Variants in GAK observed in about 807,000 individuals in gnomAD.
GAK encodes the protein cyclin G associated kinase, also known as cyclin-G-associated kinase.
GAK carries 79 observed loss-of-function variants against 143.9 expected under a neutral mutation model. The observed-to-expected ratio is 0.55, with a 90% confidence interval of 0.46 to 0.66. The LOEUF is 0.66. Ranked by LOEUF, GAK falls within the 30% of genes least tolerant of loss-of-function variation. The probability of loss-of-function intolerance (pLI) is 0.00; values close to 1 mark genes in which losing one functional copy is unlikely to be tolerated. For missense variants in GAK, 1,693 were observed against 1,779.7 expected (o/e 0.95, Z 0.88); for synonymous variants, 881 against 765.5 (o/e 1.15, Z -2.49).
intron 1 of GAK, among the ~76,000 whole-genome samples, chr4:926,998 C>G (rs1204845086): frequency 3.8e-5 from 2 of 52,806 alleles, no homozygotes; most frequent in African/African-American, 1.7e-4. Flanking sequence ...GCACCCCTCC[C>G]GGCTCACCAG....
chr4:884,759 G>A (rs1246885955), intron 11 of GAK, among the ~76,000 whole-genome samples: 2 of 152,248 alleles, frequency 1.3e-5, no homozygotes, highest in African/African-American at 2.4e-5. Context: ...TTCTTGTGAG[G>A]GAAGGAGCAG....
intron 5 of GAK, among the ~76,000 whole-genome samples, chr4:902,612 A>C (rs866089522): frequency 1.8e-4 from 26 of 143,938 alleles, no homozygotes; most frequent in African/African-American, 6.5e-4. Context: ...AAAAAAAAAA[A>C]AACCCCAAAA....
intron 24 of GAK, among the ~76,000 whole-genome samples, chr4:856,479 C>T (rs1430463137): frequency 6.8e-6 from 1 of 146,660 alleles, no homozygotes; most frequent in East Asian, 2.0e-4. Flanking sequence ...CTGCTCACCA[C>T]CACAGCTGCT....
intron 18 of GAK, among the ~76,000 whole-genome samples, chr4:874,365 A>G (rs975719211): frequency 3.3e-5 from 5 of 152,186 alleles, no homozygotes; most frequent in African/African-American, 1.2e-4. Flanking sequence ...CAGGCTTTGC[A>G]GGCTTGCCTT....
At chr4:849,833 G>GGGGGGGGGCCCCCCC in intron 27 of GAK, 59 bp from the exon 28 acceptor site, 2 of 1,190,156 alleles carry the variant, frequency 1.7e-6, no homozygotes, top group Non-Finnish European at 2.3e-6. Context: ...GGCGGGGCAG[G>GGGGGGGGGCCCCCCC]ACCCCCCCCC....
At chr4:861,011 C>T (rs1270058324) in intron 23 of GAK, among the ~76,000 whole-genome samples, 1 of 152,148 alleles carries the variant, frequency 6.6e-6, no homozygotes, top group African/African-American at 2.4e-5. Flanking sequence ...TGATGTGTGT[C>T]CCATGAGTTG....
intron 11 of GAK, among the ~76,000 whole-genome samples, chr4:884,689 C>G (rs760065692): frequency 2.0e-5 from 3 of 152,228 alleles, no homozygotes; most frequent in Non-Finnish European, 4.4e-5. Context: ...CTGCAAGGAC[C>G]CTGACAGGTT....
In GAK at chr4:861,945, A is replaced by G. The variant is rs551383141; in HGVS notation, c.3167-2223T>C. Reference sequence around the variant, plus strand: ...GCTGCAGAAGAAAAGTGAAGCCAGCAGGGGCTGAGGCTGAAGGAAAGATGC... The same window carrying G: ...GCTGCAGAAGAAAAGTGAAGCCAGCGGGGGCTGAGGCTGAAGGAAAGATGC... On this transcript the variant is annotated intron_variant, in intron 23 of 27. Coordinates refer to ENST00000314167, the MANE Select transcript of GAK (RefSeq NM_005255.4). 5.1e-3 allele frequency among the ~76,000 whole-genome samples: 773 copies of G among 152,404 alleles called. 6 individuals are homozygous for G. The highest frequency in any genetic ancestry group is 0.017 in the African/African-American group (727 of 41,602).
chr4:859,181 GGGCCGGGCCTGAGGCA>G, intron 24 of GAK: 1 of 985,346 alleles, frequency 1.0e-6, no homozygotes, highest in Non-Finnish European at 1.2e-6. Flanking sequence ...CACAGCGCCC[GGGCCGGGCCTGAGGCA>G]GACGCAGGAC....
At chr4:878,445 C>T (rs1004940271) in intron 15 of GAK, among the ~76,000 whole-genome samples, 2 of 152,114 alleles carry the variant, frequency 1.3e-5, no homozygotes, top group Non-Finnish European at 2.9e-5. Flanking sequence ...TGTTTATAGC[C>T]CCAAATCTGA....
intron 15 of GAK, among the ~76,000 whole-genome samples, chr4:878,276 C>T (rs1714399339): frequency 6.6e-6 from 1 of 152,004 alleles, no homozygotes; most frequent in Non-Finnish European, 1.5e-5. Context: ...GTAATCCCAG[C>T]TACTCGGGAG....
Position 877,795 on chromosome 4 carries a change from A to G in GAK, c.1676T>C (p.Met559Thr), listed in dbSNP as rs765055631. The G allele has an allele frequency of 1.9e-6, 3 of 1,598,898 alleles. No homozygotes were observed. Among genetic ancestry groups the G allele is most frequent in the Middle Eastern group, 1.7e-4 (1 of 6,040 alleles). ...WPSHKRYIEY[M>T]CDMVAEEPIT... The stretch of plus-strand genomic sequence containing the variant: ...GGGCTCCTCCGCCACCATGTCACAC[A>G]TGTACTCGATGTACCTGGGGGCAGA... Residue 559 changes from methionine (M) to threonine (T), a missense_variant, in exon 16 of 28, where the codon ATG (methionine) becomes ACG (threonine). This residue lies in a region of GAK where 871 missense variants were observed against 991.0 expected (regional missense o/e 0.88). Coordinates refer to ENST00000314167, the MANE Select transcript of GAK (RefSeq NM_005255.4).
chr4:850,228 A>C, intron 26 of GAK, 160 bp from the exon 27 acceptor site: 1 of 635,132 alleles, frequency 1.6e-6, no homozygotes, highest in Admixed American at 3.1e-5. Flanking sequence ...GCCCTCAACT[A>C]TATAGAGCCC....
In GAK at chr4:849,357, C is replaced by T. The variant is rs1747642377; in HGVS notation, c.*316G>A. 7 of 432,588 alleles carry T rather than the reference C, an allele frequency of 1.6e-5. No homozygotes were observed. Among genetic ancestry groups the T allele is most frequent in the East Asian group, 4.2e-5 (1 of 23,852 alleles). The allele number at this position is 432,588 out of a possible 1,614,324, so 26.8% of individuals were successfully genotyped here. On this transcript the variant is annotated 3_prime_UTR_variant, in exon 28 of 28. Coordinates refer to ENST00000314167, the MANE Select transcript of GAK (RefSeq NM_005255.4). ...CGGTGCAAACACCAGGGCCCATGAGCGCCAGCAGCGTGGCCCACCACGTGC... is the reference window on the plus strand; with the variant it reads ...CGGTGCAAACACCAGGGCCCATGAGTGCCAGCAGCGTGGCCCACCACGTGC...
At chr4:865,042 T>G (rs556801609) in intron 23 of GAK, 80 bp downstream of exon 23, 2 of 1,541,852 alleles carry the variant, frequency 1.3e-6, no homozygotes, top group South Asian at 2.4e-5. Context: ...GAGGGCCCTG[T>G]TACAGGTACG....
rs778449483 is a variant in GAK at position 866,350 on chromosome 4, C to T, written c.3043+14G>A. On this transcript the variant is annotated intron_variant, in intron 22 of 27. Coordinates refer to ENST00000314167, the MANE Select transcript of GAK (RefSeq NM_005255.4). Reference sequence around the variant, plus strand: ...CGGCCATGGAGAGCTGGCTGCCAGGCGAGAGGCACTTACCCAGGTGCAGGA... The same window carrying T: ...CGGCCATGGAGAGCTGGCTGCCAGGTGAGAGGCACTTACCCAGGTGCAGGA... 1.9e-5 allele frequency: 31 copies of T among 1,612,352 alleles called. No individual in the cohort carries two copies. Among genetic ancestry groups the T allele is most frequent in the African/African-American group, 6.7e-5 (5 of 74,906 alleles).
chr4:855,567 C>G lies in GAK; in HGVS notation c.3284-3593G>C, dbSNP rs1748987834. ...ATTTCTCCCTTTGTAGTGCGTGTAA[C>G]TTTGATCTCCTTTTCTTGCCAAATG... On this transcript the variant is annotated intron_variant, in intron 24 of 27. Coordinates refer to ENST00000314167, the MANE Select transcript of GAK (RefSeq NM_005255.4). Among the ~76,000 whole-genome samples, 6 of 152,318 alleles carry G rather than the reference C, an allele frequency of 3.9e-5. No homozygotes were observed. The South Asian group carries it at 1.2e-3, about 32-fold the overall frequency.
intron 1 of GAK, among the ~76,000 whole-genome samples, chr4:928,760 T>C (rs1262862564): frequency 6.6e-6 from 1 of 152,190 alleles, no homozygotes; most frequent in Non-Finnish European, 1.5e-5. Flanking sequence ...ACATTCTTTT[T>C]TCTTTTCTTT....
intron 26 of GAK, 65 bp downstream of exon 26, chr4:850,871 C>G: frequency 2.6e-6 from 4 of 1,547,432 alleles, no homozygotes; most frequent in Non-Finnish European, 2.6e-6. Context: ...TAAGGCACAG[C>G]AGATGCTCCA....
Sources: gnomAD v4.1 joint callset for allele counts (sites outside exome capture counted in the v4.1 genomes callset) on GRCh38, gnomAD v4.1.1 for gene constraint, gnomAD v4.1.1 regional missense constraint, MANE v1.5 for transcripts, NCBI Gene and HGNC (gene_info 2026-07-23, HGNC 2026-07-21) for gene names.